Variants in KMT2B observed in about 807,000 individuals in gnomAD.
The protein encoded by KMT2B is lysine methyltransferase 2B, also known as histone-lysine N-methyltransferase 2B.
Under a neutral mutation model 255.3 loss-of-function variants are expected in KMT2B, and 22 were observed. The ratio of observed to expected loss-of-function variants is 0.09; its 90% CI spans 0.06 to 0.12. The LOEUF (loss-of-function observed/expected upper bound fraction) is 0.12. Among genes scored for constraint, KMT2B ranks in the 10% least tolerant of loss-of-function variants. KMT2B has a pLI of 1.00. For missense variants in KMT2B, 3,149 were observed against 3,737.0 expected (o/e 0.84, Z 4.10); for synonymous variants, 1,730 against 1,498.1 (o/e 1.15, Z -3.57).
In KMT2B at chr19:35,733,481, C is replaced by T. The variant is rs780342467; in HGVS notation, c.6932C>T (p.Pro2311Leu). The T allele has an allele frequency of 2.6e-6, 4 of 1,565,436 alleles. No individual in the cohort carries two copies. Among genetic ancestry groups the T allele is most frequent in the East Asian group, 2.4e-5 (1 of 41,732 alleles). Residue 2311 changes from proline (P) to leucine (L), a missense_variant, in exon 28 of 37, where the codon CCT becomes CTT. Around this residue, in one of 18 missense-constraint regions of KMT2B, gnomAD observed 897 missense variants for 825.3 expected, o/e 1.09. Coordinates refer to ENST00000420124, the MANE Select transcript of KMT2B (RefSeq NM_014727.3). This position sits in a 1 kb window ranked among gnomAD's most constrained non-coding sequence, Gnocchi z 4.3. ...GATGGAGAGGCCTCAGAGGATACCC[C>T]TCAGGTTCCAGGGCTTGGCAGTGGC... ...DEDGEASEDT[P>L]QVPGLGSGGF...
At position 35,721,268 on chromosome 19, in the gene KMT2B, T is replaced by A; in HGVS notation, c.1921T>A (p.Ser641Thr). ...CCCACCCCCTGCTCCTGCCACCTCC[T>A]CCCGGAGGCCCCTACTCCTTCGGGC... is the stretch of plus-strand genomic sequence containing the variant. ...PSPPPAPATSSRRPLLLRAPQ... is the reference protein window; with the variant it reads ...PSPPPAPATSTRRPLLLRAPQ... Residue 641 changes from serine (S) to threonine (T), a missense_variant, in exon 3 of 37, where the codon TCC (serine) becomes ACC (threonine). By Grantham distance (58) the Ser-to-Thr change is moderately conservative (BLOSUM62 1). Around this residue, in one of 18 missense-constraint regions of KMT2B, gnomAD observed 1,188 missense variants for 1,106.4 expected, o/e 1.07. Coordinates refer to ENST00000420124, the MANE Select transcript of KMT2B (RefSeq NM_014727.3). The A allele has an allele frequency of 2.0e-6, 2 of 1,018,490 alleles. No homozygotes were observed. The highest frequency in any genetic ancestry group is 1.2e-6 in the Non-Finnish European group (1 of 847,460). The allele number at this position is 1,018,490 out of a possible 1,614,324, so 63.1% of individuals were successfully genotyped here.
In KMT2B at chr19:35,718,285, C is replaced by G. The variant is rs2146429162; in HGVS notation, c.267C>G (p.Val89=). 8.2e-7 allele frequency: 1 copy of G among 1,226,408 alleles called. No individual in the cohort carries two copies. The highest frequency in any genetic ancestry group is 1.0e-6 in the Non-Finnish European group (1 of 975,902). 76.0% of individuals were successfully genotyped at this position (1,226,408 alleles called of 1,614,324 possible). A position where few individuals can be genotyped will look rare whatever the true frequency, so the allele number is the denominator to read the frequency against. Residue 89 remains valine, a synonymous_variant, in exon 1 of 37, where the codon GTC becomes GTG. Transcript: ENST00000420124. This position sits in a 1 kb window ranked among gnomAD's most constrained non-coding sequence, Gnocchi z 5.0. ...GCCGCCTGTGGGCCGGCCCGCGGGT[C>G]CAGCGGGGCCGGGGACGGGGTCGGG... The part of the protein sequence containing the change: ...RLRRLWAGPR[V]QRGRGRGRGR...
In KMT2B at chr19:35,722,573, C is replaced by G; in HGVS notation, c.2577C>G (p.Pro859=). The change falls in exon 5 of 37, where the codon CCC becomes CCG. Residue 859 remains proline, a synonymous_variant. Coordinates refer to ENST00000420124, the MANE Select transcript of KMT2B (RefSeq NM_014727.3). ...VEAKRERPSG[P]ESPVQGPRIK... Reference sequence around the variant, plus strand: ...CACTCCGATTTCTCCCCCAGGGTCCCGAGTCCCCTGTGCAAGGTCCCCGCA... The same window carrying G: ...CACTCCGATTTCTCCCCCAGGGTCCGGAGTCCCCTGTGCAAGGTCCCCGCA... The G allele has an allele frequency of 6.2e-7, 1 of 1,604,772 alleles. No individual in the cohort carries two copies. The highest frequency in any genetic ancestry group is 1.1e-5 in the South Asian group (1 of 90,176).
Position 35,722,576 on chromosome 19 carries a change from G to A in KMT2B, c.2580G>A (p.Glu860=). ...TCCGATTTCTCCCCCAGGGTCCCGA[G>A]TCCCCTGTGCAAGGTCCCCGCATCA... ...EAKRERPSGP[E]SPVQGPRIKH... Residue 860 remains glutamate (E), a synonymous_variant, in exon 5 of 37, where the codon GAG becomes GAA. Coordinates refer to ENST00000420124, the MANE Select transcript of KMT2B (RefSeq NM_014727.3). 1 of 1,606,732 alleles carries A rather than the reference G, an allele frequency of 6.2e-7. No individual in the cohort carries two copies. The highest frequency in any genetic ancestry group is 8.5e-7 in the Non-Finnish European group (1 of 1,177,062).
rs1599673291 is a variant in KMT2B at position 35,721,810 on chromosome 19, T to C, written c.2457+6T>C. On this transcript the variant is annotated splice_donor_region_variant and intron_variant, in intron 3 of 36. Transcript: ENST00000420124. ...AGGTGGCAGCTTCCATGCCGGTGAG[T>C]GTGGTCCCTGGGCCCAGCGGCACAC... is the stretch of plus-strand genomic sequence containing the variant. 1 of 1,571,658 alleles carries C rather than the reference T, an allele frequency of 6.4e-7. No individual in the cohort carries two copies. Among genetic ancestry groups the C allele is most frequent in the African/African-American group, 1.3e-5 (1 of 74,428 alleles).
In KMT2B at chr19:35,737,318, AG is replaced by A. The variant is rs1969956943; in HGVS notation, c.7550+58del. ...CAGGGCGCCCCTATGAGAGCTCTTG[AG>A]GGTGGGAGTTAACTGTAGAGGTTGG... On this transcript the variant is annotated intron_variant, in intron 33 of 36. Coordinates refer to ENST00000420124, the MANE Select transcript of KMT2B (RefSeq NM_014727.3). The surrounding 1 kb of genome is among the most constrained non-coding windows in gnomAD (Gnocchi z 5.3). 21 of 1,438,604 alleles carry A rather than the reference AG, an allele frequency of 1.5e-5. No homozygotes were observed. The highest frequency in any genetic ancestry group is 1.9e-5 in the Non-Finnish European group (21 of 1,093,468). The allele number at this position is 1,438,604 out of a possible 1,614,324, so 89.1% of individuals were successfully genotyped here.
rs1568367237 is a variant in KMT2B at position 35,719,904 on chromosome 19, C to G, written c.557C>G (p.Thr186Arg). 1 of 1,613,444 alleles carries G rather than the reference C, an allele frequency of 6.2e-7. No individual in the cohort carries two copies. Among genetic ancestry groups the G allele is most frequent in the African/African-American group, 1.3e-5 (1 of 74,998 alleles). The change falls in exon 3 of 37, where the codon ACA becomes AGA. Residue 186 changes from threonine to arginine, a missense_variant. Coordinates refer to ENST00000420124, the MANE Select transcript of KMT2B (RefSeq NM_014727.3). ...GCCCGGAAACGGGGTGAGGAAGGCA[C>G]AGAACGGATGGTGCAGGCACTGACT... ...TPARKRGEEG[T>R]ERMVQALTEL... is the part of the protein sequence containing the mutation.
intron 30 of KMT2B, chr19:35,735,313 C>G (rs1156729988): frequency 6.6e-6 from 1 of 152,294 alleles, no homozygotes; most frequent in Non-Finnish European, 1.5e-5. Flanking sequence ...CTGTTCCACT[C>G]AAGCTTTTGT....
In KMT2B at chr19:35,720,030, C is replaced by T; in HGVS notation, c.683C>T (p.Ala228Val). The T allele has an allele frequency of 6.2e-7, 1 of 1,611,928 alleles. No homozygotes were observed. ...CGGGGACGGCCCCCAGGACGGCCAG[C>T]AGGCCCCTGCAGGAGGAAGCAGCAA... The part of the protein sequence containing the change: ...RSRGRPPGRP[A>V]GPCRRKQQAV... The change falls in exon 3 of 37, where the codon GCA becomes GTA. Residue 228 changes from alanine (A) to valine (V), a missense_variant. Transcript: ENST00000420124.
chr19:35,725,704 C>T lies in KMT2B; in HGVS notation c.3790-19C>T. 1 of 1,612,908 alleles carries T rather than the reference C, an allele frequency of 6.2e-7. No individual in the cohort carries two copies. The highest frequency in any genetic ancestry group is 8.5e-7 in the Non-Finnish European group (1 of 1,179,462). ...CCTGTGCCAGCAGGTTTCGCCATCT[C>T]TGTCTCCACATCCAACAGCACCTCC... On this transcript the variant is annotated intron_variant, in intron 12 of 36. Coordinates refer to ENST00000420124, the MANE Select transcript of KMT2B (RefSeq NM_014727.3). This position sits in a 1 kb window ranked among gnomAD's most constrained non-coding sequence, Gnocchi z 4.1.
At position 35,730,333 on chromosome 19, in the gene KMT2B, C is replaced by T; in HGVS notation, c.5077-9C>T. The T allele has an allele frequency of 1.2e-6, 2 of 1,609,928 alleles. No individual in the cohort carries two copies. Among genetic ancestry groups the T allele is most frequent in the Non-Finnish European group, 1.7e-6 (2 of 1,176,418 alleles). On this transcript the variant is annotated splice_polypyrimidine_tract_variant and intron_variant, in intron 23 of 36. Coordinates refer to ENST00000420124, the MANE Select transcript of KMT2B (RefSeq NM_014727.3). ...TGCAGCCACCTCACTTTGCCACCCC[C>T]TCTTCCAGGAAATTGTGAACCCCGA...
intron 26 of KMT2B, 74 bp from the exon 27 acceptor site, chr19:35,731,834 C>T: frequency 8.5e-7 from 1 of 1,172,264 alleles, no homozygotes; most frequent in Non-Finnish European, 1.3e-6. Flanking sequence ...GGCATAGTGG[C>T]TCAGGATGAG....
Position 35,733,213 on chromosome 19 carries a change from CCCA to C in KMT2B, c.6668_6670del (p.Thr2223del). ...CCCAGTGAAGCAGCCACCTTTGCCC[CCCA>C]CCATTTCCCCCACGGCTCCCACCTC... On this transcript the variant is annotated inframe_deletion, in exon 28 of 37. Coordinates refer to ENST00000420124, the MANE Select transcript of KMT2B (RefSeq NM_014727.3). This position sits in a 1 kb window ranked among gnomAD's most constrained non-coding sequence, Gnocchi z 4.3. 1 of 1,493,038 alleles carries C rather than the reference CCCA, an allele frequency of 6.7e-7. No homozygotes were observed. The highest frequency in any genetic ancestry group is 9.1e-7 in the Non-Finnish European group (1 of 1,095,082). 92.5% of individuals were successfully genotyped at this position (1,493,038 alleles called of 1,614,324 possible). A position where few individuals can be genotyped will look rare whatever the true frequency, so the allele number is the denominator to read the frequency against.
In KMT2B at chr19:35,729,206, C is replaced by G. The variant is rs1039433099; in HGVS notation, c.4827C>G (p.Val1609=). The stretch of plus-strand genomic sequence containing the variant: ...TCGGGCAGAACGAGTGGACACACGT[C>G]AACTGTGCCATCTGGTCGGCGGAAG... ...LYIGQNEWTH[V]NCAIWSAEVF... is the part of the protein sequence containing the mutation. Residue 1609 remains valine, a synonymous_variant, in exon 22 of 37, where the codon GTC becomes GTG. Transcript: ENST00000420124. The G allele has an allele frequency of 6.2e-7, 1 of 1,612,402 alleles. No individual in the cohort carries two copies. Among genetic ancestry groups the G allele is most frequent in the Admixed American group, 1.7e-5 (1 of 59,702 alleles).
At chr19:35,719,713 C>T in intron 2 of KMT2B, 71 bp from the exon 3 acceptor site, 2 of 1,533,084 alleles carry the variant, frequency 1.3e-6, no homozygotes, top group Non-Finnish European at 1.8e-6. Context: ...TTAGTCCCTG[C>T]CCTCCTGGAG....
intron 2 of KMT2B, 57 bp from the exon 3 acceptor site, chr19:35,719,727 C>T (rs1969104824): frequency 1.3e-6 from 2 of 1,535,508 alleles, no homozygotes; most frequent in Non-Finnish European, 1.8e-6. Context: ...CCTGGAGCGC[C>T]TTCCTCTGTG....
At chr19:35,722,893 C>A in intron 5 of KMT2B, 102 bp from the exon 6 acceptor site, 6 of 1,429,102 alleles carry the variant, frequency 4.2e-6, no homozygotes, top group African/African-American at 1.4e-5. Context: ...AGGAACCTGG[C>A]GCTGTGAGAA....
At chr19:35,724,564 G>A (rs1969355664) in intron 8 of KMT2B, 73 bp from the exon 9 acceptor site, 2 of 1,262,842 alleles carry the variant, frequency 1.6e-6, no homozygotes, top group African/African-American at 1.5e-5. Context: ...GGGAATCCAG[G>A]TAACATTTGG....
At position 35,725,401 on chromosome 19, in the gene KMT2B, C is replaced by G; in HGVS notation, c.3642+68C>G. 3.2e-6 allele frequency: 5 copies of G among 1,579,410 alleles called. No individual in the cohort carries two copies. Among genetic ancestry groups the G allele is most frequent in the Non-Finnish European group, 4.3e-6 (5 of 1,161,446 alleles). On this transcript the variant is annotated intron_variant, in intron 11 of 36. Transcript: ENST00000420124. This position sits in a 1 kb window ranked among gnomAD's most constrained non-coding sequence, Gnocchi z 4.1. ...GGTCCTCACGGCCTGATTCCTTGGGCCCTCTCAGCTGGGTCTCATCCCTTG... is the reference window on the plus strand; with the variant it reads ...GGTCCTCACGGCCTGATTCCTTGGGGCCTCTCAGCTGGGTCTCATCCCTTG...
Sources: gnomAD v4.1 joint callset for allele counts on GRCh38, gnomAD v4.1.1 for gene constraint, gnomAD v4.1.1 regional missense constraint, Gnocchi (gnomAD v3.1) non-coding constraint, MANE v1.5 for transcripts, NCBI Gene and HGNC (gene_info 2026-07-23, HGNC 2026-07-21) for gene names.